The following TSTD2 variants were observed in gnomAD, a reference collection of about 807,000 sequenced individuals.
TSTD2 encodes thiosulfate sulfurtransferase/rhodanese-like domain-containing protein 2.
Under a neutral mutation model 47.9 loss-of-function variants are expected in TSTD2, and 37 were observed. The ratio of observed to expected loss-of-function variants is 0.77; its 90% CI spans 0.59 to 1.02. The LOEUF (loss-of-function observed/expected upper bound fraction) is 1.02. Among genes scored for constraint, TSTD2 ranks in the 50% least tolerant of loss-of-function variants. The pLI, the probability that TSTD2 is intolerant of heterozygous loss-of-function variation, is 0.00. For synonymous variants in TSTD2, 201 were observed against 215.9 expected, an observed-to-expected ratio of 0.93 and a Z score of 0.61; for missense variants, 586 against 616.0, an observed-to-expected ratio of 0.95 and a Z score of 0.52.
chr9:97,631,091 T>C (rs1379903484), intron 1 of TSTD2, among the ~76,000 whole-genome samples: 1 of 152,230 alleles, frequency 6.6e-6, no homozygotes, highest in African/African-American at 2.4e-5. Context: ...CCTGACTCCT[T>C]ATTTTCTCAC....
In TSTD2 at chr9:97,625,719, G is replaced by T. The variant is rs1475594827; in HGVS notation, c.444C>A (p.Leu148=). The part of the protein sequence containing the change: ...LPHSHDVSAW[L]PDISCFNPDE... ...CAGGGTTAAAGCAGCTTATATCAGG[G>T]AGCCAAGCAGACACGTCATGGCTAT... The change falls in exon 3 of 10, where the codon CTC becomes CTA. Residue 148 remains leucine, a synonymous_variant. Transcript: ENST00000341170. 1 of 1,613,960 alleles carries T rather than the reference G, an allele frequency of 6.2e-7. No individual in the cohort carries two copies. Among genetic ancestry groups the T allele is most frequent in the Admixed American group, 1.7e-5 (1 of 60,006 alleles).
rs752075323 is a variant in TSTD2 at position 97,602,570 on chromosome 9, G to A, written c.1450C>T (p.Arg484Ter). Residue 484 changes from arginine (R) to a stop codon, truncating the protein, a stop_gained, in exon 10 of 10, where the codon CGA becomes TGA. Coordinates refer to ENST00000341170, the MANE Select transcript of TSTD2 (RefSeq NM_139246.5). LOFTEE classifies it low-confidence loss of function (END_TRUNC). ...AGTTCCCTAGGTATGCGTGGCCGTCGGGCTGTGCACTCGCATTCCTCTTTA... is the reference window on the plus strand; with the variant it reads ...AGTTCCCTAGGTATGCGTGGCCGTCAGGCTGTGCACTCGCATTCCTCTTTA... Reference protein sequence around the residue: ...SFKEECECTARRPRIPRELLQ... With the variant: ...SFKEECECTA The A allele has an allele frequency of 2.8e-5, 45 of 1,614,044 alleles. No individual in the cohort carries two copies. Among genetic ancestry groups the A allele is most frequent in the Middle Eastern group, 1.6e-4 (1 of 6,084 alleles).
At position 97,605,518 on chromosome 9, in the gene TSTD2, G is replaced by A. The variant is rs148394086; in HGVS notation, c.1078C>T (p.Arg360Cys). ...RVLMYCTGGIRCERGSAYLKA... is the reference protein window; with the variant it reads ...RVLMYCTGGICCERGSAYLKA... ...AGGTAGGCTGAACCCCGCTCACAGC[G>A]GATGCCCCCGGTACAGTACATCAGC... Residue 360 changes from arginine to cysteine, a missense_variant, in exon 8 of 10, where the codon CGC (arginine) becomes TGC (cysteine). Arg to Cys is a radical substitution (Grantham distance 180). Transcript: ENST00000341170. The A allele has an allele frequency of 3.2e-5, 52 of 1,613,900 alleles. No individual in the cohort carries two copies. Among genetic ancestry groups the A allele is most frequent in the East Asian group, 1.8e-4 (8 of 44,880 alleles).
rs772415874 is a variant in TSTD2, at chr9:97,611,613, G to A, written c.690C>T (p.Phe230=). 8 of 1,609,612 alleles carry A rather than the reference G, an allele frequency of 5.0e-6. No homozygotes were observed. The highest frequency in any genetic ancestry group is 6.8e-6 in the Non-Finnish European group (8 of 1,176,214). ...TACACAGGTCATCCTTAAACAATGG[G>A]AAGGAAAGCATGACTTCCACATAAA... is the stretch of plus-strand genomic sequence containing the variant. ...TRLYVEVMLS[F]PLFKDDLCKD... is the part of the protein sequence containing the mutation. The change falls in exon 5 of 10, where the codon TTC becomes TTT. Residue 230 remains phenylalanine, a synonymous_variant. Transcript: ENST00000341170.
intron 4 of TSTD2, among the ~76,000 whole-genome samples, chr9:97,614,333 A>G (rs1826507809): frequency 6.6e-6 from 1 of 151,688 alleles, no homozygotes. Flanking sequence ...CCTTACTAAC[A>G]TTTTGGTATA....
Position 97,611,627 on chromosome 9 carries a change from C to T in TSTD2, c.676G>A (p.Val226Ile), listed in dbSNP as rs768343749. ...TTAAACAATGGGAAGGAAAGCATGA[C>T]TTCCACATAAAGTCTGGTAGCCAAT... Reference protein sequence around the residue: ...SKLATRLYVEVMLSFPLFKDD... With the variant: ...SKLATRLYVEIMLSFPLFKDD... Residue 226 changes from valine (V) to isoleucine (I), a missense_variant, in exon 5 of 10, where the codon GTC becomes ATC. By Grantham distance (29) the Val-to-Ile change is conservative (BLOSUM62 3). Transcript: ENST00000341170. The T allele has an allele frequency of 6.2e-7, 1 of 1,610,992 alleles. No individual in the cohort carries two copies. Among genetic ancestry groups the T allele is most frequent in the Admixed American group, 1.7e-5 (1 of 59,982 alleles).
At chr9:97,625,619 G>T in intron 3 of TSTD2, 62 bp downstream of exon 3, 1 of 1,465,702 alleles carries the variant, frequency 6.8e-7, no homozygotes, top group East Asian at 2.3e-5. Context: ...GTGAATTGTA[G>T]TATCTCATTG....
intron 4 of TSTD2, among the ~76,000 whole-genome samples, chr9:97,613,404 G>A (rs1826490522): frequency 6.6e-6 from 1 of 152,122 alleles, no homozygotes; most frequent in Non-Finnish European, 1.5e-5. Flanking sequence ...AATACGATTT[G>A]TTGAATAAAT....
chr9:97,611,745 G>A (rs1826464427), intron 4 of TSTD2, 46 bp from the exon 5 acceptor site: 1 of 1,571,690 alleles, frequency 6.4e-7, no homozygotes, highest in Non-Finnish European at 8.7e-7. Flanking sequence ...TTCTTAGCTT[G>A]GTTATCTTTC....
intron 4 of TSTD2, among the ~76,000 whole-genome samples, chr9:97,615,157 A>G (rs1315536158): frequency 6.6e-6 from 1 of 152,220 alleles, no homozygotes; most frequent in Non-Finnish European, 1.5e-5. Context: ...AGCATGCTCT[A>G]AACTCGTGCA....
chr9:97,629,314 T>C (rs1486991760), intron 1 of TSTD2, among the ~76,000 whole-genome samples: 1 of 152,158 alleles, frequency 6.6e-6, no homozygotes, highest in Non-Finnish European at 1.5e-5. Context: ...TGATGGAGAC[T>C]AAACATACAC....
rs1826243700 is a variant in TSTD2, at chr9:97,600,953, C to T, written c.*1516G>A. ...TGGGAGTTATTTTCATTAGTGATTT[C>T]AGCAAATCTCATGATAAAGGACAAG... On this transcript the variant is annotated 3_prime_UTR_variant, in exon 10 of 10. Transcript: ENST00000341170. 1 of 1,135,544 alleles carries T rather than the reference C, an allele frequency of 8.8e-7. No homozygotes were observed. The highest frequency in any genetic ancestry group is 1.9e-5 in the South Asian group (1 of 53,256). 70.3% of individuals were successfully genotyped at this position (1,135,544 alleles called of 1,614,324 possible). A position where few individuals can be genotyped will look rare whatever the true frequency, so the allele number is the denominator to read the frequency against.
At chr9:97,615,914 G>T (rs1826534999) in intron 4 of TSTD2, among the ~76,000 whole-genome samples, 1 of 152,078 alleles carries the variant, frequency 6.6e-6, no homozygotes. Flanking sequence ...TACAGTGCTT[G>T]AAAAAAATAT....
At position 97,602,209 on chromosome 9, in the gene TSTD2, T is replaced by C; in HGVS notation, c.*260A>G. The C allele has an allele frequency of 2.1e-6, 1 of 465,382 alleles. No individual in the cohort carries two copies. The allele number at this position is 465,382 out of a possible 1,614,324, so 28.8% of individuals were successfully genotyped here. A position where few individuals can be genotyped will look rare whatever the true frequency, so the allele number is the denominator to read the frequency against. ...TGCTGTGGCCACCAGGCTCAGGCTC[T>C]ATCCCTCAGCAGCTTTGGGATCCCA... is the stretch of plus-strand genomic sequence containing the variant. On this transcript the variant is annotated 3_prime_UTR_variant, in exon 10 of 10. Transcript: ENST00000341170.
intron 3 of TSTD2, among the ~76,000 whole-genome samples, chr9:97,619,275 A>G (rs971817277): frequency 2.6e-5 from 4 of 152,208 alleles, no homozygotes; most frequent in Non-Finnish European, 5.9e-5. Flanking sequence ...GGCACTGAGT[A>G]GTAATGACAA....
intron 9 of TSTD2, chr9:97,602,968 C>G: frequency 1.9e-6 from 1 of 516,872 alleles, no homozygotes; most frequent in South Asian, 3.8e-5. Context: ...GGGGTGACTT[C>G]TGGTAACTGT....
At chr9:97,614,810 T>G (rs921754009) in intron 4 of TSTD2, among the ~76,000 whole-genome samples, 10 of 152,166 alleles carry the variant, frequency 6.6e-5, no homozygotes, top group African/African-American at 2.4e-4. Flanking sequence ...TGACAAAGAT[T>G]CCGGGTCACA....
chr9:97,600,644 T>A lies in TSTD2; in HGVS notation c.*1825A>T, dbSNP rs1029695108. 1.0e-6 allele frequency: 1 copy of A among 989,788 alleles called. No individual in the cohort carries two copies. The highest frequency in any genetic ancestry group is 1.2e-6 in the Non-Finnish European group (1 of 832,746). 61.3% of individuals were successfully genotyped at this position (989,788 alleles called of 1,614,324 possible). A position where few individuals can be genotyped will look rare whatever the true frequency, so the allele number is the denominator to read the frequency against. On this transcript the variant is annotated 3_prime_UTR_variant, in exon 10 of 10. Coordinates refer to ENST00000341170, the MANE Select transcript of TSTD2 (RefSeq NM_139246.5). ...AGCTTAGAGACTTCAGCTACTGATC[T>A]CATCACTTATTAGACAAATTGCTGC...
intron 3 of TSTD2, among the ~76,000 whole-genome samples, chr9:97,620,077 C>A (rs949515999): frequency 6.6e-6 from 1 of 152,164 alleles, no homozygotes; most frequent in Non-Finnish European, 1.5e-5. Flanking sequence ...TTGGCTGTGT[C>A]CCCACCCAAA....
Sources: allele counts gnomAD v4.1 joint callset (sites outside exome capture counted in the v4.1 genomes callset), GRCh38; gene constraint gnomAD v4.1.1; transcripts MANE v1.5; gene names NCBI Gene and HGNC (gene_info 2026-07-23, HGNC 2026-07-21).